MAPK6: variants seen among roughly 807,000 people sequenced by gnomAD.
MAPK6 encodes the protein mitogen-activated protein kinase 6, also known as ERK-3.
MAPK6 carries 19 observed loss-of-function variants against 59.3 expected under a neutral mutation model. The ratio of observed to expected loss-of-function variants is 0.32; its 90% CI spans 0.22 to 0.47. MAPK6 has a LOEUF of 0.47. Ranked by LOEUF, MAPK6 falls within the 20% of genes least tolerant of loss-of-function variation. The pLI, the probability that MAPK6 is intolerant of heterozygous loss-of-function variation, is 1.00. For synonymous variants in MAPK6, 316 were observed against 290.3 expected (o/e 1.09, Z -0.90); for missense variants, 724 against 847.9 (o/e 0.85, Z 1.81).
chr15:51,987,469 G>A, intron 2 of MAPK6, among the ~76,000 whole-genome samples: 1 of 152,062 alleles, frequency 6.6e-6, no homozygotes, highest in East Asian at 1.9e-4. Context: ...ACCGGGCATG[G>A]TGGCGTGCAC....
At chr15:51,981,490 G>GA (rs924094148) in intron 1 of MAPK6, among the ~76,000 whole-genome samples, 1 of 150,206 alleles carries the variant, frequency 6.7e-6, no homozygotes, top group Admixed American at 6.6e-5. Flanking sequence ...AAAAGAAAAA[G>GA]AAAAAAAAGA....
In MAPK6 at chr15:52,019,391, G is replaced by C. The variant is rs895532727; in HGVS notation, c.-632+15G>C. On this transcript the variant is annotated intron_variant, in intron 1 of 5. Coordinates refer to ENST00000261845, the MANE Select transcript of MAPK6 (RefSeq NM_002748.4). Reference sequence around the variant, plus strand: ...GGAGAAGTCCCGTGAGTGTGTGTGTGTACGTGTGCGGGGTGCGCCGGCGGG... The same window carrying C: ...GGAGAAGTCCCGTGAGTGTGTGTGTCTACGTGTGCGGGGTGCGCCGGCGGG... 4 of 151,088 alleles carry C rather than the reference G, an allele frequency of 2.6e-5. No individual in the cohort carries two copies. Among genetic ancestry groups the C allele is most frequent in the African/African-American group, 9.7e-5 (4 of 41,186 alleles). 9.4% of individuals were successfully genotyped at this position (151,088 alleles called of 1,614,324 possible). A position where few individuals can be genotyped will look rare whatever the true frequency, so the allele number is the denominator to read the frequency against.
chr15:51,996,188 A>AT (rs1281729100), intron 2 of MAPK6, among the ~76,000 whole-genome samples: 2 of 152,028 alleles, frequency 1.3e-5, no homozygotes, highest in Non-Finnish European at 2.9e-5. Flanking sequence ...GCACTGAAAC[A>AT]TTTTTCCTTC....
chr15:52,015,853 T>C (rs1237707655), upstream of MAPK6, among the ~76,000 whole-genome samples: 6 of 127,490 alleles, frequency 4.7e-5, no homozygotes, highest in East Asian at 2.6e-4. Flanking sequence ...AGGTCAGGAG[T>C]TCAAGACCAG....
At chr15:52,042,225 A>G (rs2031444162) in intron 1 of MAPK6, among the ~76,000 whole-genome samples, 2 of 152,248 alleles carry the variant, frequency 1.3e-5, no homozygotes, top group South Asian at 4.1e-4. Context: ...GCAGTGACGC[A>G]GAATCACTGA....
At chr15:51,974,040 G>A (rs970663430) in intron 1 of MAPK6, among the ~76,000 whole-genome samples, 8 of 151,720 alleles carry the variant, frequency 5.3e-5, no homozygotes, top group African/African-American at 1.7e-4. Flanking sequence ...TGGACTTAAG[G>A]TAAATCAATC....
At chr15:52,024,118 C>T (rs1418996721) in intron 1 of MAPK6, among the ~76,000 whole-genome samples, 1 of 152,168 alleles carries the variant, frequency 6.6e-6, no homozygotes, top group Non-Finnish European at 1.5e-5. Context: ...TCTGCCTCTG[C>T]AGAAAGTGCA....
At chr15:52,009,013 A>G (rs762644376) in intron 3 of MAPK6, among the ~76,000 whole-genome samples, 4 of 152,200 alleles carry the variant, frequency 2.6e-5, no homozygotes, top group Non-Finnish European at 5.9e-5. Flanking sequence ...CTACCATATG[A>G]TATACTAATT....
intron 4 of MAPK6, among the ~76,000 whole-genome samples, chr15:52,060,733 C>T (rs1566914401): frequency 6.6e-6 from 1 of 152,140 alleles, no homozygotes; most frequent in African/African-American, 2.4e-5. Flanking sequence ...AGTGTGTGAA[C>T]TATGCTGGAG....
chr15:52,059,811 TTC>T (rs1010315689), intron 4 of MAPK6, among the ~76,000 whole-genome samples: 11 of 152,158 alleles, frequency 7.2e-5, no homozygotes, highest in African/African-American at 2.4e-4. Context: ...TGGATGGAGT[TTC>T]TGAGACTAAA....
At chr15:52,001,424 G>T (rs868462625) in intron 2 of MAPK6, among the ~76,000 whole-genome samples, 6 of 151,722 alleles carry the variant, frequency 4.0e-5, no homozygotes, top group Non-Finnish European at 5.9e-5. Context: ...CTATCCTTTT[G>T]CTAGTACCAC....
intron 2 of MAPK6, among the ~76,000 whole-genome samples, chr15:51,989,854 T>G (rs983245650): frequency 6.6e-6 from 1 of 152,230 alleles, no homozygotes; most frequent in African/African-American, 2.4e-5. Flanking sequence ...TCCTCCCACC[T>G]CAGCTTCCTG....
chr15:51,994,887 TAA>T (rs2057220247), intron 2 of MAPK6, among the ~76,000 whole-genome samples: 1 of 152,118 alleles, frequency 6.6e-6, no homozygotes, highest in South Asian at 2.1e-4. Flanking sequence ...GTCATAGAAG[TAA>T]AAGAGTCTAA....
chr15:51,985,730 G>A (rs749370426), intron 2 of MAPK6, among the ~76,000 whole-genome samples: 83 of 152,018 alleles, frequency 5.5e-4, no homozygotes, highest in African/African-American at 9.7e-5. Flanking sequence ...AGGCCGAGGC[G>A]GGCAGATCAC....
upstream of MAPK6, among the ~76,000 whole-genome samples, chr15:52,015,732 G>C (rs1002330859): frequency 7.3e-5 from 11 of 149,812 alleles, no homozygotes; most frequent in African/African-American, 2.7e-4. Flanking sequence ...GATTACAGGC[G>C]TGAGTCCGCG....
chr15:51,972,908 CTG>C (rs907847976), intron 1 of MAPK6, among the ~76,000 whole-genome samples: 21 of 151,748 alleles, frequency 1.4e-4, no homozygotes, highest in African/African-American at 4.8e-4. Flanking sequence ...ACTCAGGAAA[CTG>C]AGAATGGAGG....
intron 2 of MAPK6, among the ~76,000 whole-genome samples, chr15:51,992,660 T>A (rs2057213450): frequency 2.0e-5 from 3 of 152,188 alleles, no homozygotes; most frequent in Admixed American, 1.3e-4. Context: ...CCTGTACTTC[T>A]GACCCATCAG....
upstream of MAPK6, among the ~76,000 whole-genome samples, chr15:52,016,215 C>A (rs1234383309): frequency 1.3e-5 from 2 of 151,298 alleles, no homozygotes; most frequent in African/African-American, 2.4e-5. Flanking sequence ...CATGGTGAAA[C>A]CCCGTCTCTA....
At chr15:51,974,804 G>A (rs1379488363) in intron 1 of MAPK6, among the ~76,000 whole-genome samples, 1 of 148,946 alleles carries the variant, frequency 6.7e-6, no homozygotes, top group African/African-American at 2.5e-5. Context: ...TGCAACCTCC[G>A]CCTCCCGGCT....
Sources: allele counts gnomAD v4.1 joint callset (sites outside exome capture counted in the v4.1 genomes callset), GRCh38; gene constraint gnomAD v4.1.1; transcripts MANE v1.5; gene names NCBI Gene and HGNC (gene_info 2026-07-23, HGNC 2026-07-21).